PACRG: variants seen among roughly 807,000 people sequenced by gnomAD.
The protein encoded by PACRG is parkin coregulated, also known as parkin coregulated gene protein.
A neutral mutation model predicts 29.7 loss-of-function variants in PACRG; 29 were observed. That is an observed-to-expected ratio of 0.98 (90% CI 0.73 to 1.33). PACRG has a LOEUF of 1.33. PACRG is among the 40% of genes most tolerant of loss of function. The pLI is 0.00. For missense variants in PACRG, 279 were observed against 316.2 expected, an observed-to-expected ratio of 0.88 and a Z score of 0.89; for synonymous variants, 116 against 118.7, an observed-to-expected ratio of 0.98 and a Z score of 0.15.
At chr6:163,213,948 C>T (rs1432260916) in intron 4 of PACRG, among the ~76,000 whole-genome samples, 1 of 152,108 alleles carries the variant, frequency 6.6e-6, no homozygotes, top group Admixed American at 6.5e-5. Flanking sequence ...AAAAAGTAGC[C>T]TCTCTTTTTC....
At chr6:162,999,069 C>T (rs1004793319) in intron 2 of PACRG, among the ~76,000 whole-genome samples, 2 of 151,962 alleles carry the variant, frequency 1.3e-5, no homozygotes, top group African/African-American at 4.8e-5. Context: ...CCCTACTGGA[C>T]AGACATTCAT....
intron 1 of PACRG, among the ~76,000 whole-genome samples, chr6:162,774,165 A>G (rs940919785): frequency 1.3e-5 from 2 of 152,184 alleles, no homozygotes; most frequent in Admixed American, 6.5e-5. Flanking sequence ...TCTAGAAACA[A>G]GATCTCCTAC....
chr6:163,255,872 G>A (rs753045753), intron 4 of PACRG, among the ~76,000 whole-genome samples: 26 of 152,184 alleles, frequency 1.7e-4, no homozygotes. Flanking sequence ...CTGGCCTCAA[G>A]TGATCCACCT....
chr6:163,069,663 T>C lies in PACRG; in HGVS notation c.463+7342T>C, dbSNP rs1418260690. 2.6e-5 allele frequency among the ~76,000 whole-genome samples: 4 copies of C among 152,134 alleles called. No individual in the cohort carries two copies. In the South Asian group the frequency reaches 6.2e-4, roughly 24 times the overall value. ...TAATGAAGCGCACACTTACAGGATC[T>C]AGAAAATAGCCCCAAAGCGGAAAAT... On this transcript the variant is annotated intron_variant, in intron 3 of 4. Transcript: ENST00000366888.
At chr6:163,128,163 C>T (rs926625726) in intron 4 of PACRG, among the ~76,000 whole-genome samples, 1 of 152,162 alleles carries the variant, frequency 6.6e-6, no homozygotes, top group South Asian at 2.1e-4. Flanking sequence ...TGAGGAAGTA[C>T]AGCAAAAGCT....
chr6:162,860,275 G>A (rs2128440636), intron 2 of PACRG, among the ~76,000 whole-genome samples: 1 of 152,268 alleles, frequency 6.6e-6, no homozygotes, highest in East Asian at 1.9e-4. Flanking sequence ...TGCATTTCAT[G>A]TCTCTAAAAT....
chr6:163,081,494 G>A (rs962073820), intron 3 of PACRG, among the ~76,000 whole-genome samples: 2 of 152,268 alleles, frequency 1.3e-5, no homozygotes, highest in African/African-American at 2.4e-5. Context: ...GGTGGCTCAC[G>A]CCTGTTAATC....
chr6:162,905,534 C>T (rs1387104691), intron 2 of PACRG, among the ~76,000 whole-genome samples: 3 of 152,134 alleles, frequency 2.0e-5, no homozygotes, highest in Admixed American at 6.5e-5. Flanking sequence ...AGATTGAAGC[C>T]GAGAGAGACA....
intron 4 of PACRG, among the ~76,000 whole-genome samples, chr6:163,270,240 G>A (rs575395411): frequency 1.3e-5 from 2 of 152,248 alleles, no homozygotes; most frequent in East Asian, 3.9e-4. Context: ...TCTCATAGGA[G>A]GTCTAGGTCG....
At chr6:162,964,960 T>A (rs1010360021) in intron 2 of PACRG, among the ~76,000 whole-genome samples, 1 of 152,224 alleles carries the variant, frequency 6.6e-6, no homozygotes, top group Non-Finnish European at 1.5e-5. Flanking sequence ...ATGTATCTGC[T>A]GCTGTCTCCT....
chr6:162,934,250 G>A (rs962607986), intron 2 of PACRG, among the ~76,000 whole-genome samples: 6 of 149,774 alleles, frequency 4.0e-5, no homozygotes, highest in Non-Finnish European at 5.9e-5. Context: ...CCAACACAGC[G>A]AGACTGTCTC....
intron 1 of PACRG, among the ~76,000 whole-genome samples, chr6:162,733,725 C>T (rs1233672854): frequency 2.0e-5 from 3 of 152,190 alleles, no homozygotes; most frequent in Non-Finnish European, 4.4e-5. Flanking sequence ...CTTTGCCCTT[C>T]CTGTTTCCTC....
intron 4 of PACRG, among the ~76,000 whole-genome samples, chr6:163,287,619 C>A (rs550930938): frequency 3.3e-5 from 5 of 152,340 alleles, no homozygotes; most frequent in African/African-American, 1.2e-4. Context: ...CACCCCGAGC[C>A]CTGACCATTT....
chr6:163,044,930 C>T (rs1809173671), intron 2 of PACRG, among the ~76,000 whole-genome samples: 1 of 152,160 alleles, frequency 6.6e-6, no homozygotes, highest in African/African-American at 2.4e-5. Flanking sequence ...TGCAGTATAA[C>T]TATAATTAGA....
intron 2 of PACRG, among the ~76,000 whole-genome samples, chr6:163,038,125 T>C (rs765271357): frequency 1.3e-5 from 2 of 152,194 alleles, no homozygotes; most frequent in Non-Finnish European, 2.9e-5. Flanking sequence ...TGAGGTGAGT[T>C]GCCCAAGGTC....
intron 4 of PACRG, among the ~76,000 whole-genome samples, chr6:163,131,214 G>C (rs562269259): frequency 6.6e-6 from 1 of 151,766 alleles, no homozygotes; most frequent in African/African-American, 2.4e-5. Context: ...AGGCTGAGGC[G>C]GGAGGATGGC....
intron 4 of PACRG, among the ~76,000 whole-genome samples, chr6:163,175,296 G>C (rs1779290815): frequency 6.6e-6 from 1 of 152,158 alleles, no homozygotes; most frequent in Admixed American, 6.5e-5. Flanking sequence ...AATATCTTAG[G>C]GGTGGAGCCA....
chr6:162,833,260 T>G (rs1788936460), intron 2 of PACRG, among the ~76,000 whole-genome samples: 1 of 152,308 alleles, frequency 6.6e-6, no homozygotes, highest in South Asian at 2.1e-4. Context: ...TCAGCTCTCT[T>G]GGAAAAATGA....
intron 2 of PACRG, among the ~76,000 whole-genome samples, chr6:163,018,600 C>T (rs183516967): frequency 6.6e-6 from 1 of 152,228 alleles, no homozygotes; most frequent in Admixed American, 6.5e-5. Context: ...CTGATGACAA[C>T]CTTTATGAGT....
Sources: gnomAD v4.1 joint callset for allele counts (sites outside exome capture counted in the v4.1 genomes callset) on GRCh38, gnomAD v4.1.1 for gene constraint, MANE v1.5 for transcripts, NCBI Gene and HGNC (gene_info 2026-07-23, HGNC 2026-07-21) for gene names.